Variants in UST observed in about 807,000 individuals in gnomAD.
The protein encoded by UST is uronyl 2-sulfotransferase.
UST carries 21 observed loss-of-function variants against 45.6 expected under a neutral mutation model. The observed-to-expected ratio is 0.46, with a 90% CI of 0.33 to 0.66. UST has a LOEUF of 0.66. Ranked by LOEUF, UST falls within the 30% of genes least tolerant of loss-of-function variation. The pLI is 0.02. For synonymous variants in UST, 215 were observed against 200.6 expected (o/e 1.07, Z -0.61); for missense variants, 463 against 512.4 (o/e 0.90, Z 0.93).
chr6:148,789,534 G>T (rs1222050062), intron 1 of UST, among the ~76,000 whole-genome samples: 2 of 150,768 alleles, frequency 1.3e-5, no homozygotes, highest in African/African-American at 4.9e-5. Context: ...TGAATTAAAA[G>T]AAAATAATGC....
chr6:148,842,537 T>C (rs1777909370), intron 1 of UST, among the ~76,000 whole-genome samples: 1 of 152,102 alleles, frequency 6.6e-6, no homozygotes, highest in Non-Finnish European at 1.5e-5. Flanking sequence ...TTGAGGAAAA[T>C]GAGGTCCAGC....
Position 148,964,578 on chromosome 6 carries a change from A to G in UST, c.681+15A>G. ...AGCGCTACCTGGTAAGTCCTGTCGC[A>G]TGCAAAAGGCGGTCTCCCCACTGCC... is the stretch of plus-strand genomic sequence containing the variant. On this transcript the variant is annotated intron_variant, in intron 5 of 7. Transcript: ENST00000367463. 3 of 1,612,356 alleles carry G rather than the reference A, an allele frequency of 1.9e-6. No homozygotes were observed. The East Asian group carries it at 6.7e-5, about 36-fold the overall frequency.
At chr6:148,907,013 T>C (rs1436195934) in intron 2 of UST, among the ~76,000 whole-genome samples, 1 of 152,202 alleles carries the variant, frequency 6.6e-6, no homozygotes, top group African/African-American at 2.4e-5. Flanking sequence ...CAAGTTATTC[T>C]AAACTGGTTA....
chr6:148,976,508 G>A (rs146960422), intron 5 of UST, among the ~76,000 whole-genome samples: 16 of 152,264 alleles, frequency 1.1e-4, no homozygotes, highest in East Asian at 3.9e-4. Context: ...TTCCGGGAGC[G>A]TGGTCCATCT....
At chr6:148,776,786 T>C (rs1450766082) in intron 1 of UST, among the ~76,000 whole-genome samples, 4 of 152,220 alleles carry the variant, frequency 2.6e-5, no homozygotes, top group African/African-American at 9.7e-5. Flanking sequence ...CGTTTGAATC[T>C]CGTAAGACAT....
chr6:149,043,020 T>TTTCTTTCTTTTTCG (rs1562337823), intron 7 of UST, among the ~76,000 whole-genome samples: 1 of 125,058 alleles, frequency 8.0e-6, no homozygotes, highest in Non-Finnish European at 1.6e-5. Context: ...TCTTTCTTTC[T>TTTCTTTCTTTTTCG]TTTTCTTTCT....
At chr6:148,987,296 C>T (rs998474728) in intron 5 of UST, among the ~76,000 whole-genome samples, 2 of 152,174 alleles carry the variant, frequency 1.3e-5, no homozygotes, top group Non-Finnish European at 1.5e-5. Context: ...TATGCAGAAG[C>T]TTCCAGATCT....
chr6:148,763,254 G>A (rs144542798), intron 1 of UST, among the ~76,000 whole-genome samples: 8 of 152,300 alleles, frequency 5.3e-5, no homozygotes, highest in Admixed American at 2.6e-4. Flanking sequence ...CTGATAATTA[G>A]TGATACTGAG....
chr6:148,935,059 C>T (rs879568258), intron 2 of UST, among the ~76,000 whole-genome samples: 2 of 152,146 alleles, frequency 1.3e-5, no homozygotes, highest in African/African-American at 4.8e-5. Context: ...AGCCTTCCTT[C>T]TCTTCTCCCC....
At chr6:148,988,192 G>A (rs1198306678) in intron 5 of UST, among the ~76,000 whole-genome samples, 1 of 152,120 alleles carries the variant, frequency 6.6e-6, no homozygotes, top group Non-Finnish European at 1.5e-5. Context: ...TATAAAGTTT[G>A]AGGCAGGAGG....
chr6:148,997,929 G>A (rs1159218180), intron 5 of UST, among the ~76,000 whole-genome samples: 1 of 152,234 alleles, frequency 6.6e-6, no homozygotes, highest in African/African-American at 2.4e-5. Context: ...AGGAGAAGCT[G>A]TGGGCTGGCC....
chr6:149,044,662 C>T (rs1206037808), intron 7 of UST, among the ~76,000 whole-genome samples: 2 of 152,134 alleles, frequency 1.3e-5, no homozygotes, highest in Admixed American at 6.5e-5. Context: ...GGGGAAATGG[C>T]GTCTGCTGCA....
intron 5 of UST, among the ~76,000 whole-genome samples, chr6:149,007,744 A>C (rs983272501): frequency 4.0e-5 from 6 of 151,644 alleles, no homozygotes; most frequent in African/African-American, 7.3e-5. Flanking sequence ...CATTTAAGAC[A>C]GGGGGTTTTT....
chr6:148,955,437 G>C (rs1780472688), intron 4 of UST, among the ~76,000 whole-genome samples: 1 of 152,286 alleles, frequency 6.6e-6, no homozygotes, highest in African/African-American at 2.4e-5. Context: ...GTTCCCTGAA[G>C]TTTCCTGGGC....
intron 1 of UST, among the ~76,000 whole-genome samples, chr6:148,846,613 T>A (rs930476424): frequency 1.3e-5 from 2 of 150,782 alleles, no homozygotes; most frequent in African/African-American, 4.9e-5. Context: ...TAATAAAAAA[T>A]AAAAATAAAT....
At chr6:148,889,835 T>C (rs1187011872) in intron 2 of UST, among the ~76,000 whole-genome samples, 3 of 152,072 alleles carry the variant, frequency 2.0e-5, no homozygotes, top group East Asian at 3.9e-4. Flanking sequence ...TGGCTTCACT[T>C]CCCCTTCTCC....
intron 1 of UST, among the ~76,000 whole-genome samples, chr6:148,818,020 T>C (rs1032434651): frequency 7.2e-5 from 11 of 152,240 alleles, no homozygotes; most frequent in African/African-American, 2.2e-4. Context: ...TTACAGAAAG[T>C]TTGCCAACCA....
In UST at chr6:148,833,213, C is replaced by T. The variant is rs181095955; in HGVS notation, c.248-53773C>T. 5.3e-5 allele frequency among the ~76,000 whole-genome samples: 8 copies of T among 152,302 alleles called. No homozygotes were observed. In the East Asian group the frequency reaches 7.7e-4, roughly 15 times the overall value. On this transcript the variant is annotated intron_variant, in intron 1 of 7. Transcript: ENST00000367463. ...TTTAAAATTGTGGAACCTGACCAGG[C>T]GCAGTGGCTCATGCCTGTAATCTCA...
chr6:148,863,692 G>A (rs972005747), intron 1 of UST, among the ~76,000 whole-genome samples: 11 of 152,132 alleles, frequency 7.2e-5, no homozygotes, highest in Middle Eastern at 3.2e-3. Context: ...TGGTGTGGAT[G>A]TCCTTTCTGT....
Sources: gnomAD v4.1 joint callset for allele counts (sites outside exome capture counted in the v4.1 genomes callset) on GRCh38, gnomAD v4.1.1 for gene constraint, MANE v1.5 for transcripts, NCBI Gene and HGNC (gene_info 2026-07-23, HGNC 2026-07-21) for gene names.